RXRA: variants seen among roughly 807,000 people sequenced by gnomAD.
RXRA encodes retinoid X receptor alpha.
A neutral mutation model predicts 44.5 loss-of-function variants in RXRA; 5 were observed. That is an observed-to-expected ratio of 0.11 (90% CI 0.06 to 0.24). The LOEUF is 0.24. RXRA is among the 10% of genes least tolerant of loss of function. The pLI is 1.00. For synonymous variants in RXRA, 291 were observed against 271.4 expected, an observed-to-expected ratio of 1.07 and a Z score of -0.71; for missense variants, 412 against 646.5, an observed-to-expected ratio of 0.64 and a Z score of 3.93.
intron 1 of RXRA, among the ~76,000 whole-genome samples, chr9:134,380,381 C>T (rs1830625291): frequency 6.6e-6 from 1 of 152,024 alleles, no homozygotes; most frequent in Non-Finnish European, 1.5e-5. Flanking sequence ...GGGGCCAGAT[C>T]AGGGCTGGGG....
intron 1 of RXRA, among the ~76,000 whole-genome samples, chr9:134,392,722 C>A (rs1221014584): frequency 2.0e-5 from 3 of 152,184 alleles, no homozygotes; most frequent in African/African-American, 7.2e-5. Flanking sequence ...TGCCCTGTAG[C>A]TCTCCTAAAA....
chr9:134,329,095 G>T (rs1834962006), intron 1 of RXRA, among the ~76,000 whole-genome samples: 1 of 152,260 alleles, frequency 6.6e-6, no homozygotes, highest in Non-Finnish European at 1.5e-5. Flanking sequence ...AGAGTCCAAA[G>T]GTCTCAGACC....
intron 1 of RXRA, among the ~76,000 whole-genome samples, chr9:134,362,812 G>C (rs1322590522): frequency 2.0e-5 from 3 of 152,380 alleles, no homozygotes; most frequent in African/African-American, 7.2e-5. Flanking sequence ...ACACTTGGCT[G>C]GTGGCGCTTA....
rs1477785534 is a variant in RXRA, at chr9:134,431,078, G to GC, written c.1044-824dup. Among the ~76,000 whole-genome samples the GC allele has an allele frequency of 2.6e-5, 4 of 152,210 alleles. No homozygotes were observed. In the East Asian group the frequency reaches 5.8e-4, roughly 22 times the overall value. On this transcript the variant is annotated intron_variant, in intron 7 of 9. Coordinates refer to ENST00000481739, the MANE Select transcript of RXRA (RefSeq NM_002957.6). ...CCCCATTCTGCAGACCCTCAGGGCC[G>GC]CCCTTGGCCCACAGGGGAGAGCCCA...
Position 134,366,370 on chromosome 9 carries a change from C to T in RXRA, c.29-35262C>T, listed in dbSNP as rs1004906620. ...CCTTGGCACAGGCTCCAGAATTGCA[C>T]GTGATCTCAGACGGTTCCCAGCTTC... On this transcript the variant is annotated intron_variant, in intron 1 of 9. Coordinates refer to ENST00000481739, the MANE Select transcript of RXRA (RefSeq NM_002957.6). This position sits in a 1 kb window ranked among gnomAD's most constrained non-coding sequence, Gnocchi z 5.9. Among the ~76,000 whole-genome samples, 10 of 152,134 alleles carry T rather than the reference C, an allele frequency of 6.6e-5. No homozygotes were observed. The highest frequency in any genetic ancestry group is 1.3e-4 in the Non-Finnish European group (9 of 68,012).
intron 1 of RXRA, among the ~76,000 whole-genome samples, chr9:134,339,832 T>A (rs868950730): frequency 1.6e-4 from 21 of 133,100 alleles, no homozygotes; most frequent in South Asian, 2.4e-4. Flanking sequence ...TGTGTGTGTG[T>A]GAGTCTGTGT....
At chr9:134,391,402 G>T (rs1052708083) in intron 1 of RXRA, among the ~76,000 whole-genome samples, 1 of 152,190 alleles carries the variant, frequency 6.6e-6, no homozygotes, top group Admixed American at 6.5e-5. Flanking sequence ...CTGAGCCACC[G>T]AGAGCAACAT....
At chr9:134,400,366 C>T (rs1267597131) in intron 1 of RXRA, among the ~76,000 whole-genome samples, 1 of 152,178 alleles carries the variant, frequency 6.6e-6, no homozygotes, top group Non-Finnish European at 1.5e-5. Flanking sequence ...TCAGTCATAG[C>T]CACTCTATGT....
intron 1 of RXRA, among the ~76,000 whole-genome samples, chr9:134,348,066 G>C (rs1830176333): frequency 6.6e-6 from 1 of 152,202 alleles, no homozygotes; most frequent in Non-Finnish European, 1.5e-5. Flanking sequence ...CCAACAGGCC[G>C]GGAGAGAGGG....
intron 1 of RXRA, among the ~76,000 whole-genome samples, chr9:134,357,930 A>AGAGGAG (rs10565173): frequency 6.6e-6 from 1 of 151,656 alleles, no homozygotes; most frequent in African/African-American, 2.4e-5. Flanking sequence ...GAGCCACAGC[A>AGAGGAG]GAGGAGGAGG....
chr9:134,340,025 CTG>C (rs1554747939), intron 1 of RXRA, among the ~76,000 whole-genome samples: 1 of 152,158 alleles, frequency 6.6e-6, no homozygotes, highest in Non-Finnish European at 1.5e-5. Context: ...GAGCCTGTAT[CTG>C]TGTGCACCCA....
intron 1 of RXRA, among the ~76,000 whole-genome samples, chr9:134,348,172 C>T (rs577519827): frequency 6.6e-6 from 1 of 152,176 alleles, no homozygotes; most frequent in South Asian, 2.1e-4. Context: ...GCGGCAGTTG[C>T]GATTGAGGTC....
chr9:134,436,221 C>G (rs1242896022), intron 9 of RXRA, among the ~76,000 whole-genome samples: 5 of 152,276 alleles, frequency 3.3e-5, no homozygotes, highest in Non-Finnish European at 5.9e-5. Context: ...CCTGGCCCTT[C>G]ATCTCCGTCC....
intron 1 of RXRA, among the ~76,000 whole-genome samples, chr9:134,364,970 C>T (rs1489851100): frequency 6.6e-6 from 1 of 152,254 alleles, no homozygotes. Context: ...CTTCTGCTTA[C>T]CTGCCCTCTT....
intron 1 of RXRA, among the ~76,000 whole-genome samples, chr9:134,370,081 G>A (rs1830471953): frequency 6.6e-6 from 1 of 152,174 alleles, no homozygotes; most frequent in South Asian, 2.1e-4. Context: ...GGTGGGAATG[G>A]GGGCCCACTG....
intron 1 of RXRA, among the ~76,000 whole-genome samples, chr9:134,371,636 G>A (rs1281926143): frequency 6.6e-6 from 1 of 152,248 alleles, no homozygotes; most frequent in African/African-American, 2.4e-5. Context: ...CCAGCTCTTG[G>A]GCCGGTGCCT....
intron 9 of RXRA, among the ~76,000 whole-genome samples, chr9:134,434,954 G>A (rs927437804): frequency 2.0e-5 from 3 of 151,804 alleles, no homozygotes; most frequent in Non-Finnish European, 2.9e-5. Context: ...CCGTGTCCCC[G>A]CTGCCTGCCC....
intron 1 of RXRA, among the ~76,000 whole-genome samples, chr9:134,394,845 G>A (rs536008927): frequency 2.6e-4 from 40 of 152,322 alleles, no homozygotes; most frequent in African/African-American, 8.2e-4. Flanking sequence ...GAGAGGCAAT[G>A]TCAGGGGGCC....
At chr9:134,380,215 G>A (rs370172062) in intron 1 of RXRA, 15 of 979,806 alleles carry the variant, frequency 1.5e-5, no homozygotes, top group African/African-American at 1.8e-5. Context: ...GTGGCGTGCC[G>A]GCCCCGTGAG....
Sources: gnomAD v4.1 joint callset for allele counts (sites outside exome capture counted in the v4.1 genomes callset) on GRCh38, gnomAD v4.1.1 for gene constraint, Gnocchi (gnomAD v3.1) non-coding constraint, MANE v1.5 for transcripts, NCBI Gene and HGNC (gene_info 2026-07-23, HGNC 2026-07-21) for gene names.